Variants in UGT2A1 observed in about 807,000 individuals in gnomAD.
UGT2A1 encodes UDP-glucuronosyltransferase 2A1.
Under a neutral mutation model 45.4 loss-of-function variants are expected in UGT2A1, and 61 were observed. The observed-to-expected ratio is 1.34, with a 90% confidence interval of 1.09 to 1.66. The LOEUF is 1.66. Among genes scored for constraint, UGT2A1 ranks in the 40% most tolerant of loss-of-function variants. The pLI is 0.00. For missense variants in UGT2A1, 649 were observed against 574.3 expected (o/e 1.13, Z -1.33); for synonymous variants, 229 against 196.2 (o/e 1.17, Z -1.40).
chr4:69,651,977 GT>G (rs1391412776), intron 1 of UGT2A1, among the ~76,000 whole-genome samples: 1 of 152,124 alleles, frequency 6.6e-6, no homozygotes, highest in Admixed American at 6.5e-5. Flanking sequence ...GGCACTTCAG[GT>G]GCCCACTTGA....
intron 3 of UGT2A1, among the ~76,000 whole-genome samples, chr4:69,634,861 A>G (rs1395755483): frequency 6.6e-6 from 1 of 152,160 alleles, no homozygotes; most frequent in Non-Finnish European, 1.5e-5. Flanking sequence ...GAATGAGACA[A>G]AATGCCCATT....
intron 2 of UGT2A1, chr4:69,639,290 G>A (rs1721913231): frequency 6.2e-7 from 1 of 1,613,658 alleles, no homozygotes. Flanking sequence ...CTAGTTCTTT[G>A]TAGAAAGCCC....
chr4:69,637,346 T>G (rs1197706372), intron 2 of UGT2A1, among the ~76,000 whole-genome samples: 1 of 152,072 alleles, frequency 6.6e-6, no homozygotes, highest in Non-Finnish European at 1.5e-5. Context: ...GAAAACTTTT[T>G]GATAAAAAAA....
intron 4 of UGT2A1, 146 bp downstream of exon 4, chr4:69,599,100 G>A: frequency 8.3e-7 from 1 of 1,205,496 alleles, no homozygotes; most frequent in East Asian, 2.6e-5. Flanking sequence ...TCACTTGTAG[G>A]AGACCTCTAT....
chr4:69,633,729 G>C (rs886762880), intron 3 of UGT2A1, among the ~76,000 whole-genome samples: 1 of 152,076 alleles, frequency 6.6e-6, no homozygotes, highest in Non-Finnish European at 1.5e-5. Flanking sequence ...ACTATATAAC[G>C]TTTAAAGTCA....
rs775715533 is a variant in UGT2A1 at position 69,647,626 on chromosome 4, G to T, written c.19C>A (p.Leu7Met). The change falls in exon 2 of 7, where the codon CTG becomes ATG. Residue 7 changes from leucine (L) to methionine (M), a missense_variant. Coordinates refer to ENST00000286604, the MANE Select transcript of UGT2A1 (RefSeq NM_001252275.3). Reference protein sequence around the residue: MLNNLLLFSLQISLIGT... With the variant: MLNNLLMFSLQISLIGT... Reference sequence around the variant, plus strand: ...ATGAGACTTATCTGAAGGGAGAACAGCAGAAGGTTGTTTAACATGATGTGG... The same window carrying T: ...ATGAGACTTATCTGAAGGGAGAACATCAGAAGGTTGTTTAACATGATGTGG... The T allele has an allele frequency of 6.3e-7, 1 of 1,579,716 alleles. No homozygotes were observed. The highest frequency in any genetic ancestry group is 8.6e-7 in the Non-Finnish European group (1 of 1,164,882).
At chr4:69,639,343 T>A (rs768266961) in intron 2 of UGT2A1, 2 of 1,613,734 alleles carry the variant, frequency 1.2e-6, no homozygotes, top group East Asian at 2.2e-5. Flanking sequence ...CACAGCATTA[T>A]CATATGCTCA....
chr4:69,632,613 G>A (rs1274195813), intron 3 of UGT2A1, among the ~76,000 whole-genome samples: 2 of 152,122 alleles, frequency 1.3e-5, no homozygotes, highest in African/African-American at 2.4e-5. Context: ...TAACTGGCCA[G>A]GCACAATGAC....
At chr4:69,634,211 C>G (rs1185296411) in intron 3 of UGT2A1, among the ~76,000 whole-genome samples, 1 of 152,074 alleles carries the variant, frequency 6.6e-6, no homozygotes, top group Non-Finnish European at 1.5e-5. Flanking sequence ...CGCCACTGCA[C>G]TCCAGCCTGA....
chr4:69,645,881 C>T (rs186134936), intron 2 of UGT2A1, among the ~76,000 whole-genome samples: 3 of 151,880 alleles, frequency 2.0e-5, no homozygotes, highest in Admixed American at 2.0e-4. Flanking sequence ...ATATCCATCG[C>T]ACCTGTGCTG....
intron 5 of UGT2A1, 114 bp from the exon 6 acceptor site, chr4:69,594,810 T>C: frequency 7.7e-7 from 1 of 1,305,018 alleles, no homozygotes; most frequent in Non-Finnish European, 1.0e-6. Flanking sequence ...GGATACGTTT[T>C]CTACAAAAGC....
intron 2 of UGT2A1, among the ~76,000 whole-genome samples, chr4:69,643,897 T>G (rs1722145337): frequency 6.6e-6 from 1 of 151,606 alleles, no homozygotes; most frequent in South Asian, 2.1e-4. Flanking sequence ...TCAGTTCCAT[T>G]TATCATTCTC....
intron 4 of UGT2A1, among the ~76,000 whole-genome samples, chr4:69,597,802 CTTG>C (rs1238592110): frequency 1.3e-5 from 2 of 151,950 alleles, no homozygotes; most frequent in Non-Finnish European, 1.5e-5. Context: ...TTGACAGTCT[CTTG>C]TTGTTTTTGT....
intron 2 of UGT2A1, among the ~76,000 whole-genome samples, chr4:69,644,038 A>G (rs1202524563): frequency 6.6e-6 from 1 of 151,636 alleles, no homozygotes; most frequent in African/African-American, 2.4e-5. Flanking sequence ...ATTGTGTTTT[A>G]ATAAAGACAA....
intron 2 of UGT2A1, among the ~76,000 whole-genome samples, chr4:69,636,078 G>A (rs1182621856): frequency 6.6e-6 from 1 of 152,088 alleles, no homozygotes; most frequent in African/African-American, 2.4e-5. Flanking sequence ...TAGAAAACAA[G>A]TTTTTTAACT....
At chr4:69,594,770 CA>C (rs2109880755) in intron 5 of UGT2A1, 74 bp from the exon 6 acceptor site, 2 of 1,494,498 alleles carry the variant, frequency 1.3e-6, no homozygotes, top group Non-Finnish European at 1.8e-6. Flanking sequence ...CAGAAGGGGT[CA>C]AAAAGCTGTA....
At chr4:69,605,526 G>A (rs1395168429) in intron 3 of UGT2A1, among the ~76,000 whole-genome samples, 1 of 135,942 alleles carries the variant, frequency 7.4e-6, no homozygotes, top group South Asian at 2.4e-4. Context: ...AGAAGCAAGA[G>A]CATAACACAT....
chr4:69,639,982 A>T (rs1437947335), intron 2 of UGT2A1, among the ~76,000 whole-genome samples: 1 of 152,010 alleles, frequency 6.6e-6, no homozygotes, highest in Non-Finnish European at 1.5e-5. Flanking sequence ...CAAACATTTC[A>T]AGGTGTTTTA....
chr4:69,632,076 T>G (rs970568304), intron 3 of UGT2A1, among the ~76,000 whole-genome samples: 3 of 152,190 alleles, frequency 2.0e-5, no homozygotes, highest in African/African-American at 7.2e-5. Context: ...ACTTTATTTT[T>G]GAAAGAGATT....
Sources: allele counts gnomAD v4.1 joint callset (sites outside exome capture counted in the v4.1 genomes callset), GRCh38; gene constraint gnomAD v4.1.1; transcripts MANE v1.5; gene names NCBI Gene and HGNC (gene_info 2026-07-23, HGNC 2026-07-21).